MAGI2: variants seen among roughly 807,000 people sequenced by gnomAD.
The protein encoded by MAGI2 is membrane associated guanylate kinase, WW and PDZ domain containing 2.
Under a neutral mutation model 133.3 loss-of-function variants are expected in MAGI2, and 35 were observed. The ratio of observed to expected loss-of-function variants is 0.26; its 90% CI spans 0.20 to 0.35. The LOEUF (loss-of-function observed/expected upper bound fraction) is 0.35, where lower values mean the gene tolerates loss of function less well. Among genes scored for constraint, MAGI2 ranks in the 10% least tolerant of loss-of-function variants. MAGI2 has a pLI of 1.00. For missense variants in MAGI2, 1,636 were observed against 1,863.4 expected (o/e 0.88, Z 2.25); for synonymous variants, 729 against 710.6 (o/e 1.03, Z -0.41).
chr7:79,022,563 A>G (rs1470683108), intron 1 of MAGI2, among the ~76,000 whole-genome samples: 1 of 151,912 alleles, frequency 6.6e-6, no homozygotes, highest in East Asian at 1.9e-4. Flanking sequence ...ACAAAACCCT[A>G]CAAAACATAA....
intron 1 of MAGI2, among the ~76,000 whole-genome samples, chr7:79,060,760 G>C (rs1813651649): frequency 3.3e-5 from 5 of 152,110 alleles, no homozygotes; most frequent in Admixed American, 1.3e-4. Context: ...TGGCCTTGCT[G>C]TGTTTCCCAC....
At chr7:79,290,318 T>C (rs1242968132) in intron 1 of MAGI2, among the ~76,000 whole-genome samples, 2 of 151,436 alleles carry the variant, frequency 1.3e-5, no homozygotes, top group Non-Finnish European at 2.9e-5. Flanking sequence ...TCACTTTTGC[T>C]ATCTTAATAT....
At chr7:78,122,055 G>A (rs547598175) in intron 20 of MAGI2, among the ~76,000 whole-genome samples, 5 of 152,254 alleles carry the variant, frequency 3.3e-5, no homozygotes, top group Admixed American at 3.3e-4. Flanking sequence ...AAAGGTTATA[G>A]TTGAGAGATA....
chr7:78,432,669 T>C (rs1479391434), intron 6 of MAGI2, among the ~76,000 whole-genome samples: 1 of 152,096 alleles, frequency 6.6e-6, no homozygotes, highest in East Asian at 1.9e-4. Flanking sequence ...AGTTAATGTC[T>C]AAATAGAAAC....
At chr7:78,181,889 T>C (rs1334716314) in intron 13 of MAGI2, among the ~76,000 whole-genome samples, 1 of 152,216 alleles carries the variant, frequency 6.6e-6, no homozygotes, top group African/African-American at 2.4e-5. Context: ...TCCTTAGTCT[T>C]GCTTTTGAAA....
At chr7:78,235,937 GTGAAT>G (rs1790488957) in intron 10 of MAGI2, among the ~76,000 whole-genome samples, 1 of 151,660 alleles carries the variant, frequency 6.6e-6, no homozygotes, top group Admixed American at 6.6e-5. Context: ...AAGTAACCAT[GTGAAT>G]TAGCAGCACA....
intron 1 of MAGI2, among the ~76,000 whole-genome samples, chr7:79,367,939 A>G (rs1037798744): frequency 6.9e-6 from 1 of 145,474 alleles, no homozygotes; most frequent in Non-Finnish European, 1.5e-5. Context: ...GGCTGAATAG[A>G]GCCCCAAAGC....
intron 6 of MAGI2, among the ~76,000 whole-genome samples, chr7:78,418,409 T>C (rs1475377113): frequency 6.6e-6 from 1 of 152,060 alleles, no homozygotes; most frequent in Non-Finnish European, 1.5e-5. Context: ...ACTCAGGGCA[T>C]TGATGCTCTC....
intron 2 of MAGI2, among the ~76,000 whole-genome samples, chr7:78,916,207 T>C (rs1798783755): frequency 1.3e-5 from 2 of 152,068 alleles, no homozygotes; most frequent in Non-Finnish European, 2.9e-5. Flanking sequence ...AACAACAATA[T>C]CTTGGGGTTT....
At chr7:78,521,364 T>A in intron 4 of MAGI2, 66 bp downstream of exon 4, 1 of 1,128,696 alleles carries the variant, frequency 8.9e-7, no homozygotes, top group Non-Finnish European at 1.3e-6. Context: ...TGTGTATATG[T>A]GTACATATAT....
intron 21 of MAGI2, among the ~76,000 whole-genome samples, chr7:78,046,625 G>T (rs1050462964): frequency 6.6e-6 from 1 of 151,788 alleles, no homozygotes; most frequent in African/African-American, 2.4e-5. Flanking sequence ...CAAGTCATGG[G>T]GCTGCATGTG....
chr7:78,123,159 C>T (rs1046092545), intron 20 of MAGI2, among the ~76,000 whole-genome samples: 1 of 152,076 alleles, frequency 6.6e-6, no homozygotes, highest in African/African-American at 2.4e-5. Context: ...TTTCTGCATT[C>T]ACAGATTGTG....
At chr7:79,303,522 G>C (rs936221813) in intron 1 of MAGI2, among the ~76,000 whole-genome samples, 2 of 152,064 alleles carry the variant, frequency 1.3e-5, no homozygotes, top group Non-Finnish European at 2.9e-5. Context: ...CATAAACCTA[G>C]AAAACATACT....
intron 21 of MAGI2, among the ~76,000 whole-genome samples, chr7:78,023,396 C>T (rs1292244159): frequency 6.6e-6 from 1 of 152,152 alleles, no homozygotes; most frequent in Non-Finnish European, 1.5e-5. Flanking sequence ...CCTTCCTTGC[C>T]TCCCTTTCTC....
At chr7:78,989,782 T>G (rs1457342188) in intron 2 of MAGI2, among the ~76,000 whole-genome samples, 3 of 152,050 alleles carry the variant, frequency 2.0e-5, no homozygotes, top group Admixed American at 6.6e-5. Context: ...ACCACCGTTT[T>G]CAGCCTACCC....
intron 1 of MAGI2, among the ~76,000 whole-genome samples, chr7:79,304,622 G>A (rs10953828): frequency 0.38 from 57,439 of 151,956 alleles, 12,019 homozygotes; most frequent in African/African-American, 0.54. Context: ...CAGCTCTTCC[G>A]TTCTGGTTTC....
intron 6 of MAGI2, among the ~76,000 whole-genome samples, chr7:78,444,262 A>G (rs780863945): frequency 2.6e-5 from 4 of 152,130 alleles, no homozygotes; most frequent in Admixed American, 6.6e-5. Flanking sequence ...GACACTCAGT[A>G]TTAACCATCA....
rs192461350 is a variant in MAGI2, at chr7:78,988,767, G to A, written c.418+18323C>T. 1.1e-4 allele frequency among the ~76,000 whole-genome samples: 17 copies of A among 152,142 alleles called. No individual in the cohort carries two copies. In the East Asian group the frequency reaches 2.7e-3, roughly 24 times the overall value. The stretch of plus-strand genomic sequence containing the variant: ...GTGTAATCACCCCTCAGTGGAAGAC[G>A]CAGAACTTTTATTCTTTTGAGGAGG... On this transcript the variant is annotated intron_variant, in intron 2 of 21. Transcript: ENST00000354212.
At chr7:78,389,045 A>C (rs903435113) in intron 6 of MAGI2, among the ~76,000 whole-genome samples, 10 of 152,208 alleles carry the variant, frequency 6.6e-5, no homozygotes, top group African/African-American at 2.2e-4. Flanking sequence ...GTGAAAGATA[A>C]AATCTGTGTT....
Sources: allele counts gnomAD v4.1 joint callset (sites outside exome capture counted in the v4.1 genomes callset), GRCh38; gene constraint gnomAD v4.1.1; transcripts MANE v1.5; gene names NCBI Gene and HGNC (gene_info 2026-07-23, HGNC 2026-07-21).